The following SOX5 variants were observed in gnomAD, a reference collection of about 807,000 sequenced individuals.
The protein encoded by SOX5 is transcription factor SOX-5.
In SOX5, 9 loss-of-function variants were observed where a neutral mutation model predicts 92.0. The ratio of observed to expected loss-of-function variants is 0.10; its 90% CI spans 0.06 to 0.17. The LOEUF is 0.17. SOX5 is among the 10% of genes least tolerant of loss of function. SOX5 has a pLI of 1.00. For missense variants in SOX5, 642 were observed against 944.5 expected (o/e 0.68, Z 4.20); for synonymous variants, 344 against 336.3 (o/e 1.02, Z -0.25).
At chr12:23,570,928 AAAATATATATATATATATATATATATAT>A (rs1255709574) in intron 10 of SOX5, among the ~76,000 whole-genome samples, 967 of 23,186 alleles carry the variant, frequency 0.042, 82 homozygotes, top group Non-Finnish European at 0.048. Flanking sequence ...AAAAAAAAAA[AAAATATATATATATATATATATATATAT>A]ATATATATAT....
At chr12:23,784,803 G>A (rs577178389) in intron 3 of SOX5, among the ~76,000 whole-genome samples, 15 of 152,240 alleles carry the variant, frequency 9.9e-5, no homozygotes, top group South Asian at 2.1e-4. Context: ...TTGGCCACAC[G>A]CAGTGGCTCA....
chr12:24,192,718 T>C (rs981268441), intron 4 of SOX5, among the ~76,000 whole-genome samples: 6 of 152,204 alleles, frequency 3.9e-5, no homozygotes, highest in Admixed American at 2.0e-4. Flanking sequence ...TGGGCTCAGA[T>C]AGAAATTTAC....
chr12:23,937,848 T>G (rs1429300882), intron 1 of SOX5, among the ~76,000 whole-genome samples: 2 of 150,992 alleles, frequency 1.3e-5, no homozygotes, highest in African/African-American at 2.4e-5. Flanking sequence ...ATGGTTTTTC[T>G]AAGGTACCAA....
chr12:23,807,155 G>T (rs183269381), intron 3 of SOX5, among the ~76,000 whole-genome samples: 1 of 152,054 alleles, frequency 6.6e-6, no homozygotes, highest in African/African-American at 2.4e-5. Flanking sequence ...AACTCATACC[G>T]TGATTAGATT....
intron 3 of SOX5, among the ~76,000 whole-genome samples, chr12:24,267,082 A>G (rs1221302482): frequency 6.6e-6 from 1 of 152,156 alleles, no homozygotes; most frequent in African/African-American, 2.4e-5. Context: ...GTCTGTCACA[A>G]AGATTTGACA....
intron 2 of SOX5, among the ~76,000 whole-genome samples, chr12:24,305,963 A>G (rs888435995): frequency 1.3e-5 from 2 of 152,214 alleles, no homozygotes; most frequent in African/African-American, 4.8e-5. Context: ...AATCAAGACC[A>G]AACAAAAACA....
chr12:23,544,647 T>C (rs1320605752), intron 12 of SOX5, among the ~76,000 whole-genome samples: 1 of 152,202 alleles, frequency 6.6e-6, no homozygotes, highest in African/African-American at 2.4e-5. Flanking sequence ...TTTGATTTAA[T>C]GAAAAGTAGA....
At chr12:23,856,869 C>T (rs1261462075) in intron 2 of SOX5, among the ~76,000 whole-genome samples, 1 of 152,092 alleles carries the variant, frequency 6.6e-6, no homozygotes, top group Non-Finnish European at 1.5e-5. Flanking sequence ...GTACTAATCA[C>T]ACTCTTTTAG....
chr12:23,673,338 G>A lies in SOX5; in HGVS notation c.811-7774C>T, dbSNP rs73073848. 7.6e-3 allele frequency among the ~76,000 whole-genome samples: 1,154 copies of A among 152,128 alleles called. 34 individuals carry two copies. The highest frequency in any genetic ancestry group is 0.011 in the Non-Finnish European group (758 of 67,960). ...TACAATTCTACTTGTTTCCTAAAGC[G>A]TGTGTGACTATTTGTATTACTTATT... On this transcript the variant is annotated intron_variant, in intron 6 of 14. Transcript: ENST00000451604.
chr12:24,205,708 G>A (rs1957955869), intron 4 of SOX5, among the ~76,000 whole-genome samples: 1 of 152,156 alleles, frequency 6.6e-6, no homozygotes, highest in Non-Finnish European at 1.5e-5. Context: ...AGAAAAGGCG[G>A]TGGCTTCAAT....
upstream of SOX5, among the ~76,000 whole-genome samples, chr12:23,954,956 TTA>T (rs894430147): frequency 6.6e-5 from 10 of 152,104 alleles, no homozygotes; most frequent in Non-Finnish European, 1.2e-4. Flanking sequence ...AGCTTTTATT[TTA>T]TGAGGAATTT....
chr12:24,529,074 T>C (rs1950951689), intron 1 of SOX5, among the ~76,000 whole-genome samples: 1 of 152,176 alleles, frequency 6.6e-6, no homozygotes, highest in African/African-American at 2.4e-5. Context: ...AGAAAAGAAA[T>C]GAAGTAACTA....
chr12:23,780,472 G>A (rs974018585), intron 3 of SOX5, among the ~76,000 whole-genome samples: 3 of 151,560 alleles, frequency 2.0e-5, no homozygotes, highest in Admixed American at 6.6e-5. Flanking sequence ...GAAGCAAAAA[G>A]GAATAATAAG....
At chr12:23,706,025 A>AT (rs909958444) in intron 6 of SOX5, among the ~76,000 whole-genome samples, 2 of 151,134 alleles carry the variant, frequency 1.3e-5, no homozygotes, top group African/African-American at 4.9e-5. Context: ...TCTCACCACT[A>AT]TTTGCTTTTT....
chr12:23,958,261 G>GT (rs1435923947), intron 4 of SOX5, among the ~76,000 whole-genome samples: 5 of 151,960 alleles, frequency 3.3e-5, no homozygotes, highest in Non-Finnish European at 7.4e-5. Context: ...CTTATATTGA[G>GT]TGTGTGCCCT....
At chr12:23,877,953 G>T (rs2096946509) in intron 2 of SOX5, among the ~76,000 whole-genome samples, 1 of 151,196 alleles carries the variant, frequency 6.6e-6, no homozygotes, top group African/African-American at 2.4e-5. Flanking sequence ...ATGCTTTTCG[G>T]GTTCTGTTTT....
intron 3 of SOX5, among the ~76,000 whole-genome samples, chr12:23,797,051 G>A (rs952007742): frequency 1.3e-5 from 2 of 151,078 alleles, no homozygotes; most frequent in Non-Finnish European, 3.0e-5. Context: ...CATCTCCAAC[G>A]TAAAATCTGA....
intron 2 of SOX5, among the ~76,000 whole-genome samples, chr12:24,308,226 C>T (rs1298771269): frequency 6.6e-6 from 1 of 152,146 alleles, no homozygotes; most frequent in Non-Finnish European, 1.5e-5. Context: ...GCTCCCCTCC[C>T]AAGTGCTGGC....
intron 8 of SOX5, among the ~76,000 whole-genome samples, chr12:23,621,365 C>T (rs912456060): frequency 5.9e-5 from 9 of 151,950 alleles, no homozygotes; most frequent in African/African-American, 2.2e-4. Flanking sequence ...ATGTACTGGA[C>T]ACAGACAGTG....
Sources: allele counts gnomAD v4.1 joint callset (sites outside exome capture counted in the v4.1 genomes callset), GRCh38; gene constraint gnomAD v4.1.1; transcripts MANE v1.5; gene names NCBI Gene and HGNC (gene_info 2026-07-23, HGNC 2026-07-21).